Variants in TBC1D30 observed in about 807,000 individuals in gnomAD.
TBC1D30 encodes TBC1 domain family member 30.
TBC1D30 carries 31 observed loss-of-function variants against 63.2 expected under a neutral mutation model. The observed-to-expected ratio is 0.49, with a 90% CI of 0.37 to 0.66. TBC1D30 has a LOEUF of 0.66. Among genes scored for constraint, TBC1D30 ranks in the 30% least tolerant of loss-of-function variants. The probability of loss-of-function intolerance (pLI) is 0.00; values close to 1 mark genes in which losing one functional copy is unlikely to be tolerated. For synonymous variants in TBC1D30, 307 were observed against 361.5 expected, an observed-to-expected ratio of 0.85 and a Z score of 1.71; for missense variants, 810 against 953.6, an observed-to-expected ratio of 0.85 and a Z score of 1.98.
chr12:64,848,449 G>A (rs561057564), intron 8 of TBC1D30, among the ~76,000 whole-genome samples: 10 of 151,944 alleles, frequency 6.6e-5, no homozygotes, highest in East Asian at 5.8e-4. Context: ...GACAGGCCCC[G>A]GTATGTGATG....
chr12:64,760,324 C>T (rs1025780134), intron 1 of TBC1D30, among the ~76,000 whole-genome samples: 3 of 152,080 alleles, frequency 2.0e-5, no homozygotes, highest in African/African-American at 4.8e-5. Context: ...AATCCCAGCA[C>T]TTTGGGAGGC....
intron 1 of TBC1D30, among the ~76,000 whole-genome samples, chr12:64,782,247 G>A (rs972845489): frequency 2.3e-4 from 35 of 151,618 alleles, no homozygotes; most frequent in African/African-American, 8.5e-4. Context: ...CTTGGGCTGA[G>A]TTACCAGGGG....
chr12:64,853,271 G>A (rs562223366), intron 8 of TBC1D30, among the ~76,000 whole-genome samples: 1 of 152,264 alleles, frequency 6.6e-6, no homozygotes, highest in Non-Finnish European at 1.5e-5. Context: ...GAACTTCCTG[G>A]CAGCTTTCTT....
At chr12:64,759,488 G>T in exon 1 of TBC1D30, 2 of 525,992 alleles carry the variant, frequency 3.8e-6, no homozygotes, top group Non-Finnish European at 6.7e-6. Flanking sequence ...CGGCGTGGGC[G>T]GGGCTGCGGA....
At chr12:64,834,660 C>T (rs1191819912) in intron 5 of TBC1D30, among the ~76,000 whole-genome samples, 1 of 150,104 alleles carries the variant, frequency 6.7e-6, no homozygotes, top group Non-Finnish European at 1.5e-5. Context: ...CCTCCTGCCT[C>T]AGTCTCCCAA....
rs998449349 is a variant in TBC1D30 at position 64,875,390 on chromosome 12, A to G, written c.1888A>G (p.Arg630Gly). The G allele has an allele frequency of 2.0e-5, 31 of 1,536,144 alleles. No individual in the cohort carries two copies. The highest frequency in any genetic ancestry group is 2.7e-5 in the Non-Finnish European group (31 of 1,146,932). The stretch of plus-strand genomic sequence containing the variant: ...AGGCAGCAGCCCTGAAGGCAGTACC[A>G]GGAGGACGATCGAGGGGCAGTCTCC... ...REGSSPEGSTRRTIEGQSPEP... is the reference protein window; with the variant it reads ...REGSSPEGSTGRTIEGQSPEP... Residue 630 changes from arginine (R) to glycine (G), a missense_variant, in exon 12 of 12, where the codon AGG becomes GGG. This residue lies in a region of TBC1D30 where 450 missense variants were observed against 473.0 expected (regional missense o/e 0.95). Coordinates refer to ENST00000539867, the MANE Select transcript of TBC1D30 (RefSeq NM_015279.2).
At chr12:64,858,873 A>AGGGGCTG (rs972554245) in intron 8 of TBC1D30, among the ~76,000 whole-genome samples, 8 of 151,980 alleles carry the variant, frequency 5.3e-5, no homozygotes, top group Non-Finnish European at 7.4e-5. Flanking sequence ...AGGTGTGCAG[A>AGGGGCTG]GGGGCTGGGG....
chr12:64,785,333 A>G (rs1463619909), intron 1 of TBC1D30, among the ~76,000 whole-genome samples: 1 of 151,928 alleles, frequency 6.6e-6, no homozygotes, highest in Admixed American at 6.6e-5. Context: ...TTTTTAGTAG[A>G]GATGGGGTTT....
intron 2 of TBC1D30, among the ~76,000 whole-genome samples, chr12:64,812,469 AT>A (rs1352396161): frequency 1.3e-5 from 2 of 152,172 alleles, no homozygotes; most frequent in African/African-American, 4.8e-5. Context: ...TGGACAAACT[AT>A]TTCTCTTCCC....
chr12:64,826,621 C>T (rs986487790), intron 1 of TBC1D30, among the ~76,000 whole-genome samples: 14 of 152,042 alleles, frequency 9.2e-5, no homozygotes, highest in East Asian at 1.9e-4. Context: ...GGCAGGACTT[C>T]GTTTAAACCA....
intron 8 of TBC1D30, among the ~76,000 whole-genome samples, chr12:64,862,989 A>G (rs1008913903): frequency 1.3e-5 from 2 of 152,166 alleles, no homozygotes; most frequent in African/African-American, 4.8e-5. Context: ...TCAAAAGGGT[A>G]TGTGGAGCTA....
intron 1 of TBC1D30, among the ~76,000 whole-genome samples, chr12:64,765,299 T>C (rs1032645401): frequency 6.6e-6 from 1 of 150,792 alleles, no homozygotes; most frequent in Non-Finnish European, 1.5e-5. Context: ...CCATCCTGGC[T>C]AACACAGTGA....
chr12:64,822,532 C>T (rs757194522), upstream of TBC1D30, among the ~76,000 whole-genome samples: 1 of 152,088 alleles, frequency 6.6e-6, no homozygotes, highest in African/African-American at 2.4e-5. Flanking sequence ...CAGGGTCTCA[C>T]CATCACCCAG....
At chr12:64,808,354 G>A (rs369287075) in intron 2 of TBC1D30, among the ~76,000 whole-genome samples, 2 of 152,088 alleles carry the variant, frequency 1.3e-5, no homozygotes, top group African/African-American at 4.8e-5. Context: ...TCCTGGCCAC[G>A]TGGCATTGCA....
At chr12:64,764,734 G>A (rs533621188) in intron 1 of TBC1D30, among the ~76,000 whole-genome samples, 28 of 152,318 alleles carry the variant, frequency 1.8e-4, no homozygotes, top group African/African-American at 6.5e-4. Context: ...AGTTTGCAGG[G>A]AAGAATTCCA....
At chr12:64,859,131 T>C (rs1877568394) in intron 8 of TBC1D30, among the ~76,000 whole-genome samples, 1 of 151,772 alleles carries the variant, frequency 6.6e-6, no homozygotes, top group Admixed American at 6.6e-5. Context: ...GAGGGTGTTG[T>C]GTGTGCGTTT....
chr12:64,767,784 C>A (rs1870765235), intron 1 of TBC1D30, among the ~76,000 whole-genome samples: 1 of 5,938 alleles, frequency 1.7e-4, no homozygotes, highest in East Asian at 3.9e-3. Flanking sequence ...TACACATGCT[C>A]CGGCGGGGGG....
In TBC1D30 at chr12:64,877,066, A is replaced by G. The variant is rs1040193394; in HGVS notation, c.*1278A>G. 2 of 366,710 alleles carry G rather than the reference A, an allele frequency of 5.5e-6. No homozygotes were observed. Among genetic ancestry groups the G allele is most frequent in the Non-Finnish European group, 1.1e-5 (2 of 182,878 alleles). 22.7% of individuals were successfully genotyped at this position (366,710 alleles called of 1,614,324 possible). A position where few individuals can be genotyped will look rare whatever the true frequency, so the allele number is the denominator to read the frequency against. ...AACCAAGACTGGGAAGCCATTCACTAAAATCCCTCCTGACTCAAAGGACCT... is the reference window on the plus strand; with the variant it reads ...AACCAAGACTGGGAAGCCATTCACTGAAATCCCTCCTGACTCAAAGGACCT... On this transcript the variant is annotated 3_prime_UTR_variant, in exon 12 of 12. Coordinates refer to ENST00000539867, the MANE Select transcript of TBC1D30 (RefSeq NM_015279.2).
At chr12:64,819,783 C>A (rs1466088849), upstream of TBC1D30, among the ~76,000 whole-genome samples, 1 of 152,232 alleles carries the variant, frequency 6.6e-6, no homozygotes, top group Non-Finnish European at 1.5e-5. Context: ...GCAGACGCCA[C>A]TTCACTATTC....
Sources: gnomAD v4.1 joint callset for allele counts (sites outside exome capture counted in the v4.1 genomes callset) on GRCh38, gnomAD v4.1.1 for gene constraint, gnomAD v4.1.1 regional missense constraint, MANE v1.5 for transcripts, NCBI Gene and HGNC (gene_info 2026-07-23, HGNC 2026-07-21) for gene names.